The following CTNNA3 variants were observed in gnomAD, a reference collection of about 807,000 sequenced individuals.
CTNNA3 encodes catenin alpha 3.
In CTNNA3, 76 loss-of-function variants were observed where a neutral mutation model predicts 95.7. That is an observed-to-expected ratio of 0.79 (90% CI 0.66 to 0.96). The LOEUF (loss-of-function observed/expected upper bound fraction) is 0.96. CTNNA3 is among the 40% of genes least tolerant of loss of function. The pLI, the probability that CTNNA3 is intolerant of heterozygous loss-of-function variation, is 0.00. For synonymous variants in CTNNA3, 431 were observed against 374.4 expected (o/e 1.15, Z -1.74); for missense variants, 1,191 against 1,089.8 (o/e 1.09, Z -1.31).
chr10:67,567,858 G>A (rs1001987425), intron 3 of CTNNA3, among the ~76,000 whole-genome samples: 4 of 152,102 alleles, frequency 2.6e-5, no homozygotes, highest in East Asian at 1.9e-4. Context: ...TGGAGCTTTC[G>A]AATCTATCAG....
chr10:67,710,529 C>T (rs1307334121), intron 1 of CTNNA3, among the ~76,000 whole-genome samples: 1 of 152,070 alleles, frequency 6.6e-6, no homozygotes, highest in African/African-American at 2.4e-5. Context: ...GTTTTGGGGG[C>T]CTAGCCTCCA....
chr10:66,270,148 A>G (rs1564829105), intron 13 of CTNNA3, among the ~76,000 whole-genome samples: 1 of 150,080 alleles, frequency 6.7e-6, no homozygotes, highest in African/African-American at 2.5e-5. Context: ...GGGTCTAATG[A>G]TTACATTTTG....
At chr10:67,546,793 C>T (rs12220972) in intron 3 of CTNNA3, among the ~76,000 whole-genome samples, 19,662 of 151,940 alleles carry the variant, frequency 0.13, 1,575 homozygotes, top group East Asian at 0.31. Context: ...CTAAGATTTC[C>T]GACTAAAGTT....
chr10:67,105,261 A>AT (rs1554921967), intron 7 of CTNNA3, among the ~76,000 whole-genome samples: 2 of 151,602 alleles, frequency 1.3e-5, no homozygotes, highest in Non-Finnish European at 2.9e-5. Context: ...AGATAGATAG[A>AT]ATTAATTCTA....
intron 15 of CTNNA3, among the ~76,000 whole-genome samples, chr10:66,026,619 T>C (rs1478053645): frequency 1.3e-5 from 2 of 152,158 alleles, no homozygotes; most frequent in Non-Finnish European, 2.9e-5. Context: ...CATTTTCCTC[T>C]GTCTCTTTCA....
intron 10 of CTNNA3, among the ~76,000 whole-genome samples, chr10:66,528,336 T>C (rs1374444271): frequency 6.6e-6 from 1 of 152,292 alleles, no homozygotes; most frequent in East Asian, 1.9e-4. Context: ...TATTTTTCTA[T>C]TAAATCAGAT....
chr10:66,607,008 A>T (rs1844146623), intron 10 of CTNNA3, among the ~76,000 whole-genome samples: 1 of 152,082 alleles, frequency 6.6e-6, no homozygotes, highest in Non-Finnish European at 1.5e-5. Context: ...TTTTGAAAAA[A>T]TTAATAAGTT....
chr10:66,906,950 AC>A (rs1324343270), intron 7 of CTNNA3, among the ~76,000 whole-genome samples: 3 of 152,208 alleles, frequency 2.0e-5, no homozygotes, highest in South Asian at 4.1e-4. Flanking sequence ...TATTCTCTTG[AC>A]TTTTGTGTAT....
Position 66,560,806 on chromosome 10 carries a change from G to A in CTNNA3, c.1375-40033C>T, listed in dbSNP as rs75597423. On this transcript the variant is annotated intron_variant, in intron 10 of 17. Transcript: ENST00000433211. ...GAGCCCTCATAAATAGGATTCATGC[G>A]TCTATAAAAAAAGAAATGAGAGAGC... Among the ~76,000 whole-genome samples the A allele has an allele frequency of 7.3e-3, 1,103 of 151,866 alleles. 16 individuals carry two copies. Among genetic ancestry groups the A allele is most frequent in the African/African-American group, 0.025 (1,018 of 41,442 alleles).
intron 14 of CTNNA3, among the ~76,000 whole-genome samples, chr10:66,087,309 A>G (rs1338321376): frequency 6.6e-6 from 1 of 152,020 alleles, no homozygotes; most frequent in Non-Finnish European, 1.5e-5. Context: ...TCTTTTGCCT[A>G]TTAAACTTTC....
chr10:66,769,412 GTCTAACCATTC>G (rs6143964), intron 8 of CTNNA3, among the ~76,000 whole-genome samples: 129,031 of 151,858 alleles, frequency 0.85, 55,114 homozygotes, highest in East Asian at 1. Context: ...ATTCTCACCA[GTCTAACCATTC>G]TCCCTGTCTA....
intron 7 of CTNNA3, among the ~76,000 whole-genome samples, chr10:67,087,455 T>C (rs997848789): frequency 1.3e-5 from 2 of 152,022 alleles, no homozygotes; most frequent in African/African-American, 2.4e-5. Context: ...GATTATCTTA[T>C]TTTTAATATT....
At chr10:66,501,865 A>G (rs1840289722) in intron 11 of CTNNA3, among the ~76,000 whole-genome samples, 1 of 152,134 alleles carries the variant, frequency 6.6e-6, no homozygotes, top group South Asian at 2.1e-4. Flanking sequence ...AATCTTTAGT[A>G]CTAAAAAAGA....
chr10:65,949,331 C>A (rs2077573090), intron 17 of CTNNA3, among the ~76,000 whole-genome samples: 1 of 152,088 alleles, frequency 6.6e-6, no homozygotes, highest in African/African-American at 2.4e-5. Context: ...CTTTTCTTGT[C>A]AACAAAATAT....
intron 7 of CTNNA3, among the ~76,000 whole-genome samples, chr10:67,030,582 A>C (rs1346975958): frequency 2.0e-5 from 3 of 151,930 alleles, no homozygotes; most frequent in Admixed American, 2.0e-4. Context: ...TATTTTTATG[A>C]AGATAAATAT....
intron 11 of CTNNA3, among the ~76,000 whole-genome samples, chr10:66,449,650 T>C (rs1267580857): frequency 6.6e-6 from 1 of 152,086 alleles, no homozygotes; most frequent in Admixed American, 6.6e-5. Flanking sequence ...CAAAAGGTAG[T>C]AACTACTGCA....
chr10:67,747,861 T>C (rs571724162), intron 1 of CTNNA3, among the ~76,000 whole-genome samples: 2 of 152,106 alleles, frequency 1.3e-5, no homozygotes, highest in South Asian at 4.2e-4. Flanking sequence ...CTAAGAACCA[T>C]GATAAAAGGT....
Position 66,332,566 on chromosome 10 carries a change from C to T in CTNNA3, c.1732+46586G>A, listed in dbSNP as rs115331250. On this transcript the variant is annotated intron_variant, in intron 12 of 17. Transcript: ENST00000433211. Reference sequence around the variant, plus strand: ...GTGTGTTGAACCAGCCTTTCATCCCCGGCATGAAGCCCACTTGATCATGGT... The same window carrying T: ...GTGTGTTGAACCAGCCTTTCATCCCTGGCATGAAGCCCACTTGATCATGGT... Among the ~76,000 whole-genome samples the T allele has an allele frequency of 4.5e-3, 692 of 152,102 alleles. 6 individuals are homozygous for T. The highest frequency in any genetic ancestry group is 0.016 in the African/African-American group (658 of 41,498).
chr10:66,181,375 T>C (rs2086028978), intron 13 of CTNNA3, among the ~76,000 whole-genome samples: 1 of 152,180 alleles, frequency 6.6e-6, no homozygotes, highest in Non-Finnish European at 1.5e-5. Flanking sequence ...GAACTTAAAC[T>C]CTAAAATACA....
Sources: gnomAD v4.1 joint callset for allele counts (sites outside exome capture counted in the v4.1 genomes callset) on GRCh38, gnomAD v4.1.1 for gene constraint, MANE v1.5 for transcripts, NCBI Gene and HGNC (gene_info 2026-07-23, HGNC 2026-07-21) for gene names.